REDIC1: variants seen among roughly 807,000 people sequenced by gnomAD.
REDIC1 encodes HEI10 Interacting Protein 1.
At chr12:39,775,315 T>C in the REDIC1 span, among the ~76,000 whole-genome samples, 1 of 152,236 alleles carries the variant, frequency 6.6e-6, no homozygotes, top group Non-Finnish European at 1.5e-5. Context: ...CGTAAGTTAC[T>C]TTCATTTTGG....
the REDIC1 span, among the ~76,000 whole-genome samples, chr12:39,803,734 C>G: frequency 6.6e-6 from 1 of 152,004 alleles, no homozygotes; most frequent in Non-Finnish European, 1.5e-5. Context: ...GCTTATGAGA[C>G]AGGGAAAGCA....
the REDIC1 span, among the ~76,000 whole-genome samples, chr12:39,726,480 A>C: frequency 6.6e-6 from 1 of 152,140 alleles, no homozygotes; most frequent in Admixed American, 6.5e-5. Context: ...TGTCCCTGCA[A>C]AGGACATGGA....
the REDIC1 span, among the ~76,000 whole-genome samples, chr12:39,782,277 A>G: frequency 6.6e-6 from 1 of 152,168 alleles, no homozygotes; most frequent in Admixed American, 6.5e-5. Context: ...CTCAATTTGA[A>G]TTGTATCTCT....
chr12:39,837,319 C>T, the REDIC1 span, among the ~76,000 whole-genome samples: 1 of 146,186 alleles, frequency 6.8e-6, no homozygotes, highest in Non-Finnish European at 1.5e-5. Context: ...CCCTTCCTTA[C>T]ACCTTATACA....
the REDIC1 span, among the ~76,000 whole-genome samples, chr12:39,658,154 C>T: frequency 6.6e-6 from 1 of 151,550 alleles, no homozygotes; most frequent in East Asian, 1.9e-4. Context: ...GATGTTGGCT[C>T]ACTGCAACCT....
chr12:39,663,300 CAT>C, the REDIC1 span, among the ~76,000 whole-genome samples: 275 of 151,734 alleles, frequency 1.8e-3, no homozygotes, highest in African/African-American at 6.1e-3. Flanking sequence ...GTGTTGGGTG[CAT>C]ATATATATAT....
chr12:39,719,068 T>A, the REDIC1 span, among the ~76,000 whole-genome samples: 2 of 152,144 alleles, frequency 1.3e-5, no homozygotes, highest in Non-Finnish European at 2.9e-5. Flanking sequence ...CAAGTTTCCT[T>A]TTCTTTCTTT....
chr12:39,865,648 G>T, the REDIC1 span, among the ~76,000 whole-genome samples: 1 of 152,144 alleles, frequency 6.6e-6, no homozygotes, highest in Non-Finnish European at 1.5e-5. Flanking sequence ...AACGAAAAGG[G>T]TCATGGGAAG....
At chr12:39,815,930 T>C in the REDIC1 span, among the ~76,000 whole-genome samples, 1 of 152,224 alleles carries the variant, frequency 6.6e-6, no homozygotes, top group Non-Finnish European at 1.5e-5. Flanking sequence ...TATGAAGTCA[T>C]AGATTTCTGA....
chr12:39,810,608 G>C, the REDIC1 span, among the ~76,000 whole-genome samples: 1 of 152,080 alleles, frequency 6.6e-6, no homozygotes, highest in Admixed American at 6.6e-5. Flanking sequence ...TAAGCTGTAG[G>C]TTTTTAAGAG....
the REDIC1 span, chr12:39,864,784 T>G: frequency 6.2e-7 from 1 of 1,614,048 alleles, no homozygotes; most frequent in East Asian, 2.2e-5. Context: ...CAAGTGGCGT[T>G]CTGACCTGAC....
At chr12:39,691,795 C>G in the REDIC1 span, among the ~76,000 whole-genome samples, 1 of 152,068 alleles carries the variant, frequency 6.6e-6, no homozygotes, top group Non-Finnish European at 1.5e-5. Flanking sequence ...TTACCTGAAG[C>G]TTTTCCTTTT....
the REDIC1 span, among the ~76,000 whole-genome samples, chr12:39,753,681 T>C: frequency 1.3e-5 from 2 of 152,160 alleles, no homozygotes; most frequent in African/African-American, 2.4e-5. Flanking sequence ...GCTTTGAACA[T>C]TGTGACCTTA....
At chr12:39,834,406 CT>C in the REDIC1 span, among the ~76,000 whole-genome samples, 1 of 152,028 alleles carries the variant, frequency 6.6e-6, no homozygotes, top group African/African-American at 2.4e-5. Flanking sequence ...ATGGACCAAA[CT>C]TTTAATTTCA....
the REDIC1 span, among the ~76,000 whole-genome samples, chr12:39,712,399 TATATATACATAC>T: frequency 1.5e-5 from 2 of 135,028 alleles, no homozygotes; most frequent in Admixed American, 7.6e-5. Context: ...TACCTGTATG[TATATATACATAC>T]GTATATACAT....
chr12:39,700,152 G>C, the REDIC1 span, among the ~76,000 whole-genome samples: 13 of 152,016 alleles, frequency 8.6e-5, no homozygotes, highest in Non-Finnish European at 1.6e-4. Context: ...AGCTATGGGA[G>C]GACATTCAAA....
At chr12:39,805,578 C>T in the REDIC1 span, among the ~76,000 whole-genome samples, 1 of 151,758 alleles carries the variant, frequency 6.6e-6, no homozygotes, top group South Asian at 2.1e-4. Context: ...AAAAACTGAT[C>T]TATTATATTT....
At chr12:39,890,678 C>T in the REDIC1 span, among the ~76,000 whole-genome samples, 3 of 151,860 alleles carry the variant, frequency 2.0e-5, no homozygotes, top group South Asian at 2.1e-4. Context: ...TGAAACATCA[C>T]GTTGTACTCC....
the REDIC1 span, among the ~76,000 whole-genome samples, chr12:39,679,025 C>G: frequency 3.9e-5 from 6 of 152,004 alleles, no homozygotes; most frequent in South Asian, 4.2e-4. Context: ...AGCATTCCCC[C>G]CAAGAACTGG....
Sources: gnomAD v4.1 joint callset for allele counts (sites outside exome capture counted in the v4.1 genomes callset) on GRCh38, gnomAD v4.1.1 for gene constraint, MANE v1.5 for transcripts, NCBI Gene and HGNC (gene_info 2026-07-23, HGNC 2026-07-21) for gene names.